The following HLTF variants were observed in gnomAD, a reference collection of about 807,000 sequenced individuals.
HLTF encodes helicase like transcription factor, also known as DNA-dependent ATPase/E3 ubiquitin-protein ligase HLTF.
Under a neutral mutation model 129.4 loss-of-function variants are expected in HLTF, and 127 were observed. The observed-to-expected ratio is 0.98, with a 90% CI of 0.85 to 1.14. The LOEUF (loss-of-function observed/expected upper bound fraction) is 1.14, where lower values mean the gene tolerates loss of function less well. HLTF is among the 50% of genes most tolerant of loss of function. HLTF has a pLI of 0.00. For missense variants in HLTF, 1,139 were observed against 1,187.1 expected (o/e 0.96, Z 0.60); for synonymous variants, 332 against 388.8 (o/e 0.85, Z 1.72).
chr3:149,085,408 G>T (rs1720276342), intron 1 of HLTF, among the ~76,000 whole-genome samples: 1 of 152,142 alleles, frequency 6.6e-6, no homozygotes, highest in Non-Finnish European at 1.5e-5. Context: ...AGAATCACTT[G>T]AACCCGGGAG....
intron 10 of HLTF, among the ~76,000 whole-genome samples, chr3:149,061,102 C>A (rs918261956): frequency 6.6e-6 from 1 of 152,140 alleles, no homozygotes; most frequent in Admixed American, 6.5e-5. Flanking sequence ...CAGGGTCTCA[C>A]TCTTTTGCCC....
At position 149,041,585 on chromosome 3, in the gene HLTF, C is replaced by A. The variant is rs1421282107; in HGVS notation, c.2281G>T (p.Ala761Ser). 3 of 1,612,006 alleles carry A rather than the reference C, an allele frequency of 1.9e-6. No individual in the cohort carries two copies. Among genetic ancestry groups the A allele is most frequent in the Non-Finnish European group, 2.5e-6 (3 of 1,178,326 alleles). Residue 761 changes from alanine to serine, a missense_variant, in exon 20 of 25, where the codon GCA becomes TCA. Coordinates refer to ENST00000310053, the MANE Select transcript of HLTF (RefSeq NM_003071.4). ...ILSSGSDEEC[A>S]ICLDSLTVPV... ...ACTGTTAAAGAATCCAGGCAAATTG[C>A]ACATTCCTCATCTGAACCTGAGCTC... is the stretch of plus-strand genomic sequence containing the variant.
Position 149,078,497 on chromosome 3 carries a change from C to T in HLTF, c.229-2450G>A, listed in dbSNP as rs149753620. ...TGCAGGAGTTCAAGGTTACAGTGAG[C>T]TATGATCACGCCACTGCACTCCAGC... On this transcript the variant is annotated intron_variant, in intron 2 of 24. Transcript: ENST00000310053. 2.2e-3 allele frequency among the ~76,000 whole-genome samples: 333 copies of T among 152,228 alleles called. 2 individuals are homozygous for T. Among genetic ancestry groups the T allele is most frequent in the East Asian group, 0.013 (67 of 5,180 alleles).
Position 149,042,264 on chromosome 3 carries a change from G to T in HLTF, c.2099C>A (p.Ala700Glu), listed in dbSNP as rs1338438692. 3.7e-6 allele frequency: 6 copies of T among 1,612,206 alleles called. No homozygotes were observed. Among genetic ancestry groups the T allele is most frequent in the Non-Finnish European group, 5.1e-6 (6 of 1,178,624 alleles). ...GRYFNEGTVLAHYADVLGLLL... is the reference protein window; with the variant it reads ...GRYFNEGTVLEHYADVLGLLL... ...AAGACCCAGGACATCTGCATAATGT[G>T]CCAGGACAGTCCCTTCATTAAAATA... is the stretch of plus-strand genomic sequence containing the variant. Residue 700 changes from alanine (A) to glutamate (E), a missense_variant, in exon 19 of 25, where the codon GCA (alanine) becomes GAA (glutamate). By Grantham distance (107) the Ala-to-Glu change is moderately radical (BLOSUM62 -1). Coordinates refer to ENST00000310053, the MANE Select transcript of HLTF (RefSeq NM_003071.4).
rs1277910982 is a variant in HLTF at position 149,060,762 on chromosome 3, A to T, written c.1240+17T>A. 6.2e-7 allele frequency: 1 copy of T among 1,609,044 alleles called. No individual in the cohort carries two copies. Among genetic ancestry groups the T allele is most frequent in the Non-Finnish European group, 8.5e-7 (1 of 1,175,900 alleles). ...GAATATAGGACACATTATCAAATCA[A>T]ATCTATTACATGTTACCTTTCATTT... On this transcript the variant is annotated intron_variant, in intron 11 of 24. Transcript: ENST00000310053.
chr3:149,032,156 T>C lies in HLTF; in HGVS notation c.*64A>G. ...TCTCTAGATCTCATTTCTAAAACTC[T>C]GTATTTTTCTCATTTCTAAAACTTA... On this transcript the variant is annotated 3_prime_UTR_variant, in exon 25 of 25. Transcript: ENST00000310053. 1.6e-6 allele frequency: 2 copies of C among 1,240,700 alleles called. 1 individual carries two copies. The allele number at this position is 1,240,700 out of a possible 1,614,324, so 76.9% of individuals were successfully genotyped here.
chr3:149,063,644 C>T, intron 9 of HLTF, 120 bp from the exon 10 acceptor site: 1 of 600,088 alleles, frequency 1.7e-6, no homozygotes, highest in Admixed American at 2.8e-5. Flanking sequence ...GATCTTCATT[C>T]CTTTCATTAC....
At chr3:149,042,815 A>T (rs1465997845) in intron 18 of HLTF, among the ~76,000 whole-genome samples, 1 of 152,150 alleles carries the variant, frequency 6.6e-6, no homozygotes, top group Non-Finnish European at 1.5e-5. Flanking sequence ...TAAAACCTAA[A>T]GTAACTCAAC....
intron 23 of HLTF, among the ~76,000 whole-genome samples, chr3:149,038,533 T>C (rs1391250696): frequency 6.6e-6 from 1 of 152,144 alleles, no homozygotes; most frequent in Non-Finnish European, 1.5e-5. Context: ...GACGGGTTCT[T>C]GCTCTGTCAC....
chr3:149,061,233 C>A (rs1011574205), intron 10 of HLTF, among the ~76,000 whole-genome samples: 2 of 151,748 alleles, frequency 1.3e-5, no homozygotes, highest in Non-Finnish European at 2.9e-5. Flanking sequence ...CTACACCCAG[C>A]GAATTTCACT....
chr3:149,080,092 T>A (rs768421968), intron 2 of HLTF, among the ~76,000 whole-genome samples: 3 of 151,812 alleles, frequency 2.0e-5, no homozygotes, highest in African/African-American at 4.8e-5. Context: ...CAGACCCAAA[T>A]GCCACATATT....
chr3:149,039,546 C>A (rs374765283), intron 22 of HLTF, 35 bp downstream of exon 22: 119 of 1,026,144 alleles, frequency 1.2e-4, no homozygotes, highest in Middle Eastern at 1.1e-3. Context: ...ATATAAAATC[C>A]TTTTACTGAA....
Position 149,059,802 on chromosome 3 carries a change from A to T in HLTF, c.1291T>A (p.Ser431Thr), listed in dbSNP as rs756943593. The T allele has an allele frequency of 1.3e-6, 2 of 1,588,628 alleles. No homozygotes were observed. Among genetic ancestry groups the T allele is most frequent in the Admixed American group, 3.6e-5 (2 of 55,990 alleles). ...GCCACATCTTCTATAACCTTAGAAG[A>T]TCCTGCTGATAAAACAACAAAGAAT... ...SETKGRAKAG[S>T]SKVIEDVAFA... Residue 431 changes from serine (S) to threonine (T), a missense_variant, in exon 13 of 25, where the codon TCT becomes ACT. Coordinates refer to ENST00000310053, the MANE Select transcript of HLTF (RefSeq NM_003071.4).
chr3:149,067,001 GT>G (rs1467036246), intron 8 of HLTF, among the ~76,000 whole-genome samples: 2 of 152,188 alleles, frequency 1.3e-5, no homozygotes, highest in Admixed American at 6.5e-5. Flanking sequence ...ATTCAGAAGA[GT>G]TCAGAAAAGA....
At position 149,040,100 on chromosome 3, in the gene HLTF, T is replaced by C. The variant is rs1715997504; in HGVS notation, c.2433A>G (p.Glu811=). 1 of 1,610,400 alleles carries C rather than the reference T, an allele frequency of 6.2e-7. No individual in the cohort carries two copies. Among genetic ancestry groups the C allele is most frequent in the Non-Finnish European group, 8.5e-7 (1 of 1,178,132 alleles). Residue 811 remains glutamate, a synonymous_variant, in exon 21 of 25, where the codon GAA becomes GAG. Coordinates refer to ENST00000310053, the MANE Select transcript of HLTF (RefSeq NM_003071.4). ...RNDIHEDNLL[E]CPPEELARDS... is the part of the protein sequence containing the mutation. ...CACGTGCTAATTCTTCTGGAGGACA[T>C]TCTAATAAATTATCTTCATGTATAT...
intron 18 of HLTF, among the ~76,000 whole-genome samples, chr3:149,043,435 T>A (rs1039237632): frequency 6.1e-5 from 9 of 148,212 alleles, no homozygotes; most frequent in Admixed American, 5.5e-4. Flanking sequence ...AAACAATATT[T>A]AAAGAAAGCT....
At chr3:149,063,073 T>C (rs1718082351) in intron 10 of HLTF, 1 of 457,578 alleles carries the variant, frequency 2.2e-6, no homozygotes, top group Admixed American at 2.3e-5. Context: ...TTTTCTTTTT[T>C]TTTTGAGACG....
chr3:149,034,353 T>C (rs1402256051), intron 24 of HLTF, among the ~76,000 whole-genome samples: 1 of 152,156 alleles, frequency 6.6e-6, no homozygotes, highest in African/African-American at 2.4e-5. Flanking sequence ...TATATTACGA[T>C]ATATCTATAT....
At chr3:149,057,554 T>G (rs950446298) in intron 13 of HLTF, among the ~76,000 whole-genome samples, 1 of 152,214 alleles carries the variant, frequency 6.6e-6, no homozygotes, top group Admixed American at 6.5e-5. Flanking sequence ...GCGCACATTT[T>G]GGTATACACA....
Sources: allele counts gnomAD v4.1 joint callset (sites outside exome capture counted in the v4.1 genomes callset), GRCh38; gene constraint gnomAD v4.1.1; transcripts MANE v1.5; gene names NCBI Gene and HGNC (gene_info 2026-07-23, HGNC 2026-07-21).